The following C12orf42 variants were observed in gnomAD, a reference collection of about 807,000 sequenced individuals.
The protein encoded by C12orf42 is chromosome 12 open reading frame 42.
Under a neutral mutation model 21.6 loss-of-function variants are expected in C12orf42, and 25 were observed. The observed-to-expected ratio is 1.16, with a 90% CI of 0.84 to 1.62. The LOEUF (loss-of-function observed/expected upper bound fraction) is 1.62. Among genes scored for constraint, C12orf42 ranks in the 40% most tolerant of loss-of-function variants. C12orf42 has a pLI of 0.00. For synonymous variants in C12orf42, 174 were observed against 175.0 expected (o/e 0.99, Z 0.05); for missense variants, 483 against 459.3 (o/e 1.05, Z -0.47).
At chr12:103,486,923 A>AT (rs1237558299) in intron 1 of C12orf42, among the ~76,000 whole-genome samples, 2 of 152,134 alleles carry the variant, frequency 1.3e-5, no homozygotes, top group East Asian at 1.9e-4. Flanking sequence ...GGATTCATTG[A>AT]TTTTTTGAAG....
intron 2 of C12orf42, among the ~76,000 whole-genome samples, chr12:103,416,071 T>C (rs1397807679): frequency 3.3e-5 from 5 of 151,956 alleles, no homozygotes; most frequent in East Asian, 1.9e-4. Context: ...ACTGAGTGTG[T>C]ATACGTGTAT....
intron 10 of C12orf42, among the ~76,000 whole-genome samples, chr12:103,250,278 CCTGT>C (rs2034233328): frequency 6.6e-6 from 1 of 152,032 alleles, no homozygotes; most frequent in African/African-American, 2.4e-5. Context: ...CCCTGGCTTT[CCTGT>C]CTCTCAGTTT....
At chr12:103,249,832 C>G (rs976823829) in intron 10 of C12orf42, among the ~76,000 whole-genome samples, 10 of 152,036 alleles carry the variant, frequency 6.6e-5, no homozygotes, top group Non-Finnish European at 1.5e-4. Flanking sequence ...GGTAAGTGAG[C>G]AAACCAGTCA....
chr12:103,160,468 T>C, the C12orf42 span, among the ~76,000 whole-genome samples: 1 of 152,220 alleles, frequency 6.6e-6, no homozygotes, highest in African/African-American at 2.4e-5. Context: ...TGTTCTCTAA[T>C]AAAATTTTCC....
intron 10 of C12orf42, among the ~76,000 whole-genome samples, chr12:103,251,878 T>C (rs1278899985): frequency 6.6e-6 from 1 of 152,196 alleles, no homozygotes. Flanking sequence ...AAAATATAAA[T>C]TTTCTTAACA....
At chr12:103,227,259 A>G in the C12orf42 span, among the ~76,000 whole-genome samples, 3 of 151,952 alleles carry the variant, frequency 2.0e-5, no homozygotes, top group African/African-American at 7.3e-5. Flanking sequence ...GTTGGGGCTC[A>G]GAGATAAGAG....
chr12:103,336,069 A>G lies in C12orf42; in HGVS notation c.260-29724T>C, dbSNP rs528272430. Among the ~76,000 whole-genome samples the G allele has an allele frequency of 3.9e-5, 6 of 151,988 alleles. No homozygotes were observed. The East Asian group carries it at 1.2e-3, about 31-fold the overall frequency. ...CAAACTTTCAGCAAGTATTTGTTGA[A>G]TAAATACTTTACTCTAAACAATCTT... On this transcript the variant is annotated intron_variant, in intron 4 of 5. Coordinates refer to ENST00000548883, the MANE Select transcript of C12orf42 (RefSeq NM_198521.5).
chr12:103,479,329 T>A (rs1446977559), intron 1 of C12orf42, among the ~76,000 whole-genome samples: 1 of 152,082 alleles, frequency 6.6e-6, no homozygotes, highest in East Asian at 1.9e-4. Flanking sequence ...CAATAGGAAG[T>A]TAAGGCAAGG....
chr12:103,146,560 A>AAAG, the C12orf42 span, among the ~76,000 whole-genome samples: 7 of 119,956 alleles, frequency 5.8e-5, no homozygotes, highest in East Asian at 2.4e-4. Context: ...ATAAAGAAAG[A>AAAG]AAAGAAAGAA....
the C12orf42 span, among the ~76,000 whole-genome samples, chr12:103,074,730 C>A: frequency 6.6e-6 from 1 of 152,098 alleles, no homozygotes; most frequent in African/African-American, 2.4e-5. Context: ...AAATCTAAAA[C>A]TAAAGTAAGG....
intron 4 of C12orf42, among the ~76,000 whole-genome samples, chr12:103,354,748 G>A (rs982128542): frequency 3.9e-5 from 6 of 152,104 alleles, no homozygotes; most frequent in African/African-American, 1.4e-4. Flanking sequence ...TGTAGAGATG[G>A]TGTCTCACTA....
intron 4 of C12orf42, among the ~76,000 whole-genome samples, chr12:103,351,020 T>C (rs1428482124): frequency 3.3e-5 from 5 of 152,192 alleles, no homozygotes; most frequent in Admixed American, 1.3e-4. Context: ...ACCTTCCTTA[T>C]AGTCCCTTTC....
chr12:103,195,782 T>C, the C12orf42 span, among the ~76,000 whole-genome samples: 2 of 152,146 alleles, frequency 1.3e-5, no homozygotes, highest in Non-Finnish European at 2.9e-5. Flanking sequence ...AGAAGCTCTT[T>C]AGTTTAATTA....
At chr12:103,428,621 G>A (rs944279920) in intron 2 of C12orf42, among the ~76,000 whole-genome samples, 8 of 152,124 alleles carry the variant, frequency 5.3e-5, no homozygotes, top group African/African-American at 1.9e-4. Flanking sequence ...CATTGTATGA[G>A]TCCAATGTCA....
intron 2 of C12orf42, among the ~76,000 whole-genome samples, chr12:103,403,232 C>T (rs1204846670): frequency 1.3e-5 from 2 of 152,092 alleles, no homozygotes; most frequent in African/African-American, 2.4e-5. Context: ...AAAAATTAGC[C>T]GGGAGTGGTG....
the C12orf42 span, among the ~76,000 whole-genome samples, chr12:103,085,333 T>G: frequency 6.6e-6 from 1 of 152,168 alleles, no homozygotes; most frequent in Non-Finnish European, 1.5e-5. Context: ...TCTTTCATTT[T>G]TCACTGTTGC....
chr12:103,221,821 C>T, the C12orf42 span, among the ~76,000 whole-genome samples: 1 of 152,106 alleles, frequency 6.6e-6, no homozygotes, highest in African/African-American at 2.4e-5. Context: ...GATTCCTTGA[C>T]CTCAGGGCAA....
chr12:103,219,937 T>C, the C12orf42 span, among the ~76,000 whole-genome samples: 1 of 152,138 alleles, frequency 6.6e-6, no homozygotes, highest in Non-Finnish European at 1.5e-5. Context: ...TTATAAATCA[T>C]CCTACTATAA....
At chr12:103,262,699 TTGG>T (rs2034957793) in intron 10 of C12orf42, among the ~76,000 whole-genome samples, 1 of 152,182 alleles carries the variant, frequency 6.6e-6, no homozygotes, top group South Asian at 2.1e-4. Flanking sequence ...TTTTACACTG[TTGG>T]TGGGAGTGTA....
Sources: gnomAD v4.1 joint callset for allele counts (sites outside exome capture counted in the v4.1 genomes callset) on GRCh38, gnomAD v4.1.1 for gene constraint, MANE v1.5 for transcripts, NCBI Gene and HGNC (gene_info 2026-07-23, HGNC 2026-07-21) for gene names.